The following NES variants were observed in gnomAD, a reference collection of about 807,000 sequenced individuals.
NES encodes the protein nestin.
In NES, 27 loss-of-function variants were observed where a neutral mutation model predicts 35.6. The observed-to-expected ratio is 0.76, with a 90% CI of 0.56 to 1.04. The LOEUF is 1.04. NES is among the 50% of genes least tolerant of loss of function. The pLI, the probability that NES is intolerant of heterozygous loss-of-function variation, is 0.00. For synonymous variants in NES, 822 were observed against 824.2 expected (o/e 1.00, Z 0.04); for missense variants, 1,867 against 1,983.6 (o/e 0.94, Z 1.12).
In NES at chr1:156,671,014, C is replaced by A; in HGVS notation, c.3174G>T (p.Gly1058=). 1.2e-6 allele frequency: 2 copies of A among 1,612,426 alleles called. No individual in the cohort carries two copies. Among genetic ancestry groups the A allele is most frequent in the Non-Finnish European group, 1.7e-6 (2 of 1,179,534 alleles). Reference sequence around the variant, plus strand: ...CCAGGGGCTCTATCGCCTCTGGCAGCCCCTGGGGAGCCTGGAGGCCTGGGG... The same window carrying A: ...CCAGGGGCTCTATCGCCTCTGGCAGACCCTGGGGAGCCTGGAGGCCTGGGG... ...VGAPGLQAPQ[G]LPEAIEPLVE... The change falls in exon 4 of 4, where the codon GGG becomes GGT. Residue 1058 remains glycine, a synonymous_variant. Coordinates refer to ENST00000368223, the MANE Select transcript of NES (RefSeq NM_006617.2).
chr1:156,675,849 G>A (rs1298125460), intron 1 of NES, among the ~76,000 whole-genome samples: 1 of 152,068 alleles, frequency 6.6e-6, no homozygotes, highest in Non-Finnish European at 1.5e-5. Context: ...TTTCCCACAT[G>A]TTCTGGATTC....
chr1:156,677,220 G>A lies in NES; in HGVS notation c.45C>T (p.Leu15=). ...CCAGGTAGGCCTCCAGGCGCCGATTGAGCTCCCACATCTGAAACGACTCCT... is the reference window on the plus strand; with the variant it reads ...CCAGGTAGGCCTCCAGGCGCCGATTAAGCTCCCACATCTGAAACGACTCCT... ...MGEESFQMWE[L]NRRLEAYLAR... Residue 15 remains leucine, a synonymous_variant, in exon 1 of 4, where the codon CTC becomes CTT. Transcript: ENST00000368223. The surrounding 1 kb of genome is among the most constrained non-coding windows in gnomAD (Gnocchi z 4.5). 6.2e-7 allele frequency: 1 copy of A among 1,612,600 alleles called. No individual in the cohort carries two copies. Among genetic ancestry groups the A allele is most frequent in the Non-Finnish European group, 8.5e-7 (1 of 1,179,878 alleles).
chr1:156,672,808 T>C lies in NES; in HGVS notation c.1380A>G (p.Pro460=), dbSNP rs1310579689. ...GTGGTGCCAAGGAGGCATGGTCCTC[T>C]GGGGACTGGCCTGTACTGGCCTCTT... ...QRQEASTGQS[P]EDHASLAPPL... The change falls in exon 4 of 4, where the codon CCA becomes CCG. Residue 460 remains proline (P), a synonymous_variant. Transcript: ENST00000368223. 4 of 1,613,756 alleles carry C rather than the reference T, an allele frequency of 2.5e-6. No homozygotes were observed. The highest frequency in any genetic ancestry group is 3.4e-6 in the Non-Finnish European group (4 of 1,180,032).
chr1:156,669,098 A>T lies in NES; in HGVS notation c.*224T>A, dbSNP rs1284232739. ...GCCTATGAGATGGAGCAGGCAAGAG[A>T]TTCCCTTTGCAGGGTGGGAGGTTAT... On this transcript the variant is annotated 3_prime_UTR_variant, in exon 4 of 4. Transcript: ENST00000368223. 1 of 421,514 alleles carries T rather than the reference A, an allele frequency of 2.4e-6. No individual in the cohort carries two copies. The highest frequency in any genetic ancestry group is 4.2e-6 in the Non-Finnish European group (1 of 238,538). The allele number at this position is 421,514 out of a possible 1,614,324, so 26.1% of individuals were successfully genotyped here. A position where few individuals can be genotyped will look rare whatever the true frequency, so the allele number is the denominator to read the frequency against.
chr1:156,671,250 G>C lies in NES; in HGVS notation c.2938C>G (p.Leu980Val). 5 of 1,614,114 alleles carry C rather than the reference G, an allele frequency of 3.1e-6. No individual in the cohort carries two copies. Among genetic ancestry groups the C allele is most frequent in the Non-Finnish European group, 4.2e-6 (5 of 1,180,030 alleles). ...AGVENEDEAE[L>V]NLREQDGFTG... The stretch of plus-strand genomic sequence containing the variant: ...AAGCCATCCTGCTCCCTCAGATTCA[G>C]CTCTGCCTCATCCTCATTTTCCACT... Residue 980 changes from leucine (L) to valine (V), a missense_variant, in exon 4 of 4, where the codon CTG becomes GTG. Transcript: ENST00000368223.
chr1:156,676,410 T>C lies in NES; in HGVS notation c.783+72A>G. On this transcript the variant is annotated intron_variant, in intron 1 of 3. Transcript: ENST00000368223. The surrounding 1 kb of genome is among the most constrained non-coding windows in gnomAD (Gnocchi z 5.3). ...CTAGCCCCACTCCCTTCCCAGAAGG[T>C]CTCTGAGCTTCATAAGGGACTTTCT... 1 of 1,495,846 alleles carries C rather than the reference T, an allele frequency of 6.7e-7. No homozygotes were observed. Among genetic ancestry groups the C allele is most frequent in the Non-Finnish European group, 9.1e-7 (1 of 1,097,398 alleles). The allele number at this position is 1,495,846 out of a possible 1,614,324, so 92.7% of individuals were successfully genotyped here.
In NES at chr1:156,671,090, C is replaced by G. The variant is rs772956390; in HGVS notation, c.3098G>C (p.Gly1033Ala). ...RGLVEGASVK[G>A]GAEGLQDPEG... The stretch of plus-strand genomic sequence containing the variant: ...AGGGTCCTGGAGGCCCTCAGCCCCT[C>G]CCTTCACACTGGCTCCCTCAACCAG... The change falls in exon 4 of 4, where the codon GGA (glycine) becomes GCA (alanine). Residue 1033 changes from glycine to alanine, a missense_variant. By Grantham distance (60) the Gly-to-Ala change is moderately conservative. Coordinates refer to ENST00000368223, the MANE Select transcript of NES (RefSeq NM_006617.2). The G allele has an allele frequency of 4.3e-6, 7 of 1,614,066 alleles. No individual in the cohort carries two copies. Among genetic ancestry groups the G allele is most frequent in the Non-Finnish European group, 5.9e-6 (7 of 1,180,014 alleles).
Position 156,671,451 on chromosome 1 carries a change from T to C in NES, c.2737A>G (p.Ser913Gly), listed in dbSNP as rs1230737227. 1 of 1,614,022 alleles carries C rather than the reference T, an allele frequency of 6.2e-7. No individual in the cohort carries two copies. Among genetic ancestry groups the C allele is most frequent in the Non-Finnish European group, 8.5e-7 (1 of 1,180,014 alleles). ...TCTTCCTCTTCCAGATTCCTTTGAC[T>C]TTCCTTGTCTACCTCCTCTGGAGAT... ...LRSPEEVDKESQRNLEEEENL... is the reference protein window; with the variant it reads ...LRSPEEVDKEGQRNLEEEENL... Residue 913 changes from serine (S) to glycine (G), a missense_variant, in exon 4 of 4, where the codon AGT (serine) becomes GGT (glycine). Physicochemically the swap from Ser to Gly is moderately conservative, Grantham distance 56. Transcript: ENST00000368223.
Position 156,670,982 on chromosome 1 carries a change from T to A in NES, c.3206A>T (p.Asp1069Val), listed in dbSNP as rs970704059. 6.2e-7 allele frequency: 1 copy of A among 1,609,720 alleles called. No homozygotes were observed. Among genetic ancestry groups the A allele is most frequent in the Middle Eastern group, 1.7e-4 (1 of 6,042 alleles). ...LPEAIEPLVE[D>V]DVAPGGDQAS... ...TTGGTCACCCCCTGGGGCCACATCA[T>A]CTTCCACCAGGGGCTCTATCGCCTC... Residue 1069 changes from aspartate (D) to valine (V), a missense_variant, in exon 4 of 4, where the codon GAT becomes GTT. Asp to Val is a radical substitution (Grantham distance 152). Coordinates refer to ENST00000368223, the MANE Select transcript of NES (RefSeq NM_006617.2).
rs1457573310 is a variant in NES at position 156,670,291 on chromosome 1, A to G, written c.3897T>C (p.Thr1299=). The change falls in exon 4 of 4, where the codon ACT becomes ACC. Residue 1299 remains threonine (T), a synonymous_variant. Transcript: ENST00000368223. ...DELGETLPDS[T]PLGFYLRSPT... ...GGGACCTGAGGTAGAAGCCCAGGGGAGTGGAGTCTGGAAGGGTCTCCCCGA... is the reference window on the plus strand; with the variant it reads ...GGGACCTGAGGTAGAAGCCCAGGGGGGTGGAGTCTGGAAGGGTCTCCCCGA... 1.2e-6 allele frequency: 2 copies of G among 1,611,560 alleles called. No homozygotes were observed. The highest frequency in any genetic ancestry group is 2.2e-5 in the South Asian group (2 of 90,854).
At position 156,672,171 on chromosome 1, in the gene NES, C is replaced by T. The variant is rs1474734382; in HGVS notation, c.2017G>A (p.Glu673Lys). Reference protein sequence around the residue: ...NLESLTALEKENQEPLRSPEV... With the variant: ...NLESLTALEKKNQEPLRSPEV... ...GGAGATCTCAGTGGCTCTTGATTCT[C>T]CTTTTCCAGAGCTGTCAATGACTCT... Residue 673 changes from glutamate (E) to lysine (K), a missense_variant, in exon 4 of 4, where the codon GAG (glutamate) becomes AAG (lysine). Physicochemically the swap from Glu to Lys is moderately conservative, Grantham distance 56. Transcript: ENST00000368223. The T allele has an allele frequency of 1.9e-6, 3 of 1,611,270 alleles. No individual in the cohort carries two copies. The Admixed American group carries it at 5.1e-5, about 27-fold the overall frequency.
In NES at chr1:156,670,187, G is replaced by A; in HGVS notation, c.4001C>T (p.Pro1334Leu). The change falls in exon 4 of 4, where the codon CCT becomes CTT. Residue 1334 changes from proline (P) to leucine (L), a missense_variant. Pro to Leu is a moderately conservative substitution (Grantham distance 98). Transcript: ENST00000368223. Reference sequence around the variant, plus strand: ...AAGGCCCTCGGAAGCCAGGACAGCAGGATCCCAGCCCTCCTTTCCAGTCTC... The same window carrying A: ...AAGGCCCTCGGAAGCCAGGACAGCAAGATCCCAGCCCTCCTTTCCAGTCTC... ...QGETGKEGWD[P>L]AVLASEGLEA... is the part of the protein sequence containing the mutation. The A allele has an allele frequency of 6.2e-7, 1 of 1,614,068 alleles. No homozygotes were observed. Among genetic ancestry groups the A allele is most frequent in the Non-Finnish European group, 8.5e-7 (1 of 1,179,992 alleles).
Position 156,675,229 on chromosome 1 carries a change from C to A in NES, c.895G>T (p.Val299Leu). 1 of 1,613,558 alleles carries A rather than the reference C, an allele frequency of 6.2e-7. No individual in the cohort carries two copies. Among genetic ancestry groups the A allele is most frequent in the African/African-American group, 1.3e-5 (1 of 75,056 alleles). The change falls in exon 2 of 4, where the codon GTG becomes TTG. Residue 299 changes from valine (V) to leucine (L), a missense_variant. Transcript: ENST00000368223. ...AHLKMSLSLEVATYRTLLEAE... is the reference protein window; with the variant it reads ...AHLKMSLSLELATYRTLLEAE... ...CTCGTCTCGTACCTGTACGTGGCCACCTCCAGGCTGAGGGACATCTTGAGG... is the reference window on the plus strand; with the variant it reads ...CTCGTCTCGTACCTGTACGTGGCCAACTCCAGGCTGAGGGACATCTTGAGG...
chr1:156,669,486 G>A lies in NES; in HGVS notation c.4702C>T (p.Pro1568Ser). Residue 1568 changes from proline (P) to serine (S), a missense_variant, in exon 4 of 4, where the codon CCG (proline) becomes TCG (serine). Physicochemically the swap from Pro to Ser is moderately conservative, Grantham distance 74 (BLOSUM62 -1). Transcript: ENST00000368223. ...EQSEEVGQGMPLVSEGDRGSP... is the reference protein window; with the variant it reads ...EQSEEVGQGMSLVSEGDRGSP... The stretch of plus-strand genomic sequence containing the variant: ...CCTCGGTCTCCCTCAGAGACTAGCG[G>A]CATTCCTTGCCCCACTTCCTCAGAC... 3 of 1,612,842 alleles carry A rather than the reference G, an allele frequency of 1.9e-6. No individual in the cohort carries two copies. The highest frequency in any genetic ancestry group is 2.5e-6 in the Non-Finnish European group (3 of 1,179,276).
In NES at chr1:156,672,781, GGGTGGTGCCAAGGAGGCAT is replaced by G. The variant is rs1679762681; in HGVS notation, c.1388_1406del (p.His463ProfsTer9). The stretch of plus-strand genomic sequence containing the variant: ...CTAAACTGGAGTGGTCAGGGCTGAG[GGGTGGTGCCAAGGAGGCAT>G]GGTCCTCTGGGGACTGGCCTGTACT... On this transcript the variant is annotated frameshift_variant, in exon 4 of 4. Coordinates refer to ENST00000368223, the MANE Select transcript of NES (RefSeq NM_006617.2). LOFTEE classifies it low-confidence loss of function (END_TRUNC). 1 of 1,613,410 alleles carries G rather than the reference GGGTGGTGCCAAGGAGGCAT, an allele frequency of 6.2e-7. No homozygotes were observed. Among genetic ancestry groups the G allele is most frequent in the Non-Finnish European group, 8.5e-7 (1 of 1,180,044 alleles).
At position 156,670,157 on chromosome 1, in the gene NES, G is replaced by A. The variant is rs772889033; in HGVS notation, c.4031C>T (p.Ala1344Val). ...PAVLASEGLE[A>V]PPSEKEEGEE... ...CCCCTCCTCCTTTTCTGAGGGTGGG[G>A]CCTCAAGGCCCTCGGAAGCCAGGAC... Residue 1344 changes from alanine (A) to valine (V), a missense_variant, in exon 4 of 4, where the codon GCC becomes GTC. Physicochemically the swap from Ala to Val is moderately conservative, Grantham distance 64. Coordinates refer to ENST00000368223, the MANE Select transcript of NES (RefSeq NM_006617.2). The A allele has an allele frequency of 5.0e-6, 8 of 1,613,988 alleles. No homozygotes were observed. The South Asian group carries it at 7.7e-5, about 16-fold the overall frequency.
chr1:156,671,929 C>T lies in NES; in HGVS notation c.2259G>A (p.Glu753=). ...SLRSLEEQDQ[E]TLRTLEKETQ... ...TCTCTTTTTCAAGAGTTCTCAATGT[C>T]TCTTGGTCCTGTTCTTCTAAAGACC... Residue 753 remains glutamate, a synonymous_variant, in exon 4 of 4, where the codon GAG becomes GAA. Coordinates refer to ENST00000368223, the MANE Select transcript of NES (RefSeq NM_006617.2). The T allele has an allele frequency of 6.2e-7, 1 of 1,614,128 alleles. No individual in the cohort carries two copies. The highest frequency in any genetic ancestry group is 8.5e-7 in the Non-Finnish European group (1 of 1,180,028).
chr1:156,677,346 G>A lies in NES; in HGVS notation c.-82C>T. Reference sequence around the variant, plus strand: ...GGCTCGCAGAGCTTTTAGGACGGAAGAGAAAAGAGACCGACGGGGACAATG... The same window carrying A: ...GGCTCGCAGAGCTTTTAGGACGGAAAAGAAAAGAGACCGACGGGGACAATG... On this transcript the variant is annotated 5_prime_UTR_variant, in exon 1 of 4. Transcript: ENST00000368223. The surrounding 1 kb of genome is among the most constrained non-coding windows in gnomAD (Gnocchi z 4.5). 1 of 578,990 alleles carries A rather than the reference G, an allele frequency of 1.7e-6. No individual in the cohort carries two copies. The highest frequency in any genetic ancestry group is 2.7e-6 in the Non-Finnish European group (1 of 367,680). 35.9% of individuals were successfully genotyped at this position (578,990 alleles called of 1,614,324 possible). A position where few individuals can be genotyped will look rare whatever the true frequency, so the allele number is the denominator to read the frequency against.
At position 156,677,112 on chromosome 1, in the gene NES, G is replaced by A; in HGVS notation, c.153C>T (p.Ser51=). The change falls in exon 1 of 4, where the codon TCC becomes TCT. Residue 51 remains serine (S), a synonymous_variant. Coordinates refer to ENST00000368223, the MANE Select transcript of NES (RefSeq NM_006617.2). The surrounding 1 kb of genome is among the most constrained non-coding windows in gnomAD (Gnocchi z 4.5). Reference sequence around the variant, plus strand: ...GCTCGTCGTCGGCATGCGCCCGCCAGGAGGTGTCCGCGGATTGTGCCCGGA... The same window carrying A: ...GCTCGTCGTCGGCATGCGCCCGCCAAGAGGTGTCCGCGGATTGTGCCCGGA... ...GGLRAQSADT[S]WRAHADDELA... The A allele has an allele frequency of 6.2e-7, 1 of 1,606,426 alleles. No individual in the cohort carries two copies. Among genetic ancestry groups the A allele is most frequent in the East Asian group, 2.2e-5 (1 of 44,474 alleles).
Sources: allele counts gnomAD v4.1 joint callset (sites outside exome capture counted in the v4.1 genomes callset), GRCh38; gene constraint gnomAD v4.1.1; non-coding constraint Gnocchi (gnomAD v3.1); transcripts MANE v1.5; gene names NCBI Gene and HGNC (gene_info 2026-07-23, HGNC 2026-07-21).